GP5: variants seen among roughly 807,000 people sequenced by gnomAD.
GP5 encodes the protein glycoprotein V platelet.
For synonymous variants in GP5, 382 were observed against 353.9 expected (o/e 1.08, Z -0.89); for missense variants, 755 against 737.1 (o/e 1.02, Z -0.28).
rs1464385965 is a variant in GP5, at chr3:194,396,387, G to T, written c.*213C>A. ...GCTCAGTTTCCAGGAACGGGCGGGG[G>T]ACACAGAGAGGAGGGGTTGCGGGCC... On this transcript the variant is annotated 3_prime_UTR_variant, in exon 2 of 2. Coordinates refer to ENST00000692618, the MANE Select transcript of GP5 (RefSeq NM_004488.2). 2.0e-6 allele frequency: 1 copy of T among 501,304 alleles called. No individual in the cohort carries two copies. Among genetic ancestry groups the T allele is most frequent in the Non-Finnish European group, 3.5e-6 (1 of 283,342 alleles). The allele number at this position is 501,304 out of a possible 1,614,324, so 31.1% of individuals were successfully genotyped here.
chr3:194,397,644 C>A lies in GP5; in HGVS notation c.639G>T (p.Leu213=). Reference sequence around the variant, plus strand: ...CCGTCAGGGCGCCCAGGCTGTTCAACAGCCCCGAATCCAGAGACACAAGGC... The same window carrying A: ...CCGTCAGGGCGCCCAGGCTGTTCAAAAGCCCCGAATCCAGAGACACAAGGC... The part of the protein sequence containing the change: ...SNRLVSLDSG[L]LNSLGALTEL... Residue 213 remains leucine, a synonymous_variant, in exon 2 of 2, where the codon CTG becomes CTT. Transcript: ENST00000692618. The surrounding 1 kb of genome is among the most constrained non-coding windows in gnomAD (Gnocchi z 7.2). 6.2e-7 allele frequency: 1 copy of A among 1,614,154 alleles called. No homozygotes were observed. The highest frequency in any genetic ancestry group is 1.3e-5 in the African/African-American group (1 of 75,040).
Position 194,397,006 on chromosome 3 carries a change from T to C in GP5, c.1277A>G (p.Asp426Gly), listed in dbSNP as rs756984676. The C allele has an allele frequency of 3.1e-6, 5 of 1,595,862 alleles. No homozygotes were observed. In the Admixed American group the frequency reaches 5.0e-5, roughly 16 times the overall value. The change falls in exon 2 of 2, where the codon GAC (aspartate) becomes GGC (glycine). Residue 426 changes from aspartate to glycine, a missense_variant. By Grantham distance (94) the Asp-to-Gly change is moderately conservative. Coordinates refer to ENST00000692618, the MANE Select transcript of GP5 (RefSeq NM_004488.2). The surrounding 1 kb of genome is among the most constrained non-coding windows in gnomAD (Gnocchi z 7.2). ...CCCCAGGAAGGGCCCCAGGCCACAG[T>C]CGCAGCGCCAGGAGTTGTGCCCCAA... ...VLLGHNSWRCDCGLGPFLGWL... is the reference protein window; with the variant it reads ...VLLGHNSWRCGCGLGPFLGWL...
At chr3:194,398,748 T>A (rs1560057884) in intron 1 of GP5, among the ~76,000 whole-genome samples, 1 of 152,170 alleles carries the variant, frequency 6.6e-6, no homozygotes, top group Non-Finnish European at 1.5e-5. Flanking sequence ...AATCATGCTA[T>A]TTCCACAGTA....
chr3:194,397,273 C>A lies in GP5; in HGVS notation c.1010G>T (p.Gly337Val). 1 of 1,580,428 alleles carries A rather than the reference C, an allele frequency of 6.3e-7. No homozygotes were observed. Among genetic ancestry groups the A allele is most frequent in the Non-Finnish European group, 8.5e-7 (1 of 1,171,036 alleles). The change falls in exon 2 of 2, where the codon GGC becomes GTC. Residue 337 changes from glycine (G) to valine (V), a missense_variant. Coordinates refer to ENST00000692618, the MANE Select transcript of GP5 (RefSeq NM_004488.2). The surrounding 1 kb of genome is among the most constrained non-coding windows in gnomAD (Gnocchi z 7.2). Reference sequence around the variant, plus strand: ...GGCGAGCACCTGGAGCTCGCCAAGGCCCTGGAAGGCGCCCTGCGGAAGCGC... The same window carrying A: ...GGCGAGCACCTGGAGCTCGCCAAGGACCTGGAAGGCGCCCTGCGGAAGCGC... ...LSALPQGAFQGLGELQVLALH... is the reference protein window; with the variant it reads ...LSALPQGAFQVLGELQVLALH...
In GP5 at chr3:194,397,260, G is replaced by A. The variant is rs1169342416; in HGVS notation, c.1023C>T (p.Leu341=). 1.3e-6 allele frequency: 2 copies of A among 1,579,532 alleles called. No individual in the cohort carries two copies. The highest frequency in any genetic ancestry group is 3.5e-5 in the Admixed American group (2 of 57,052). The change falls in exon 2 of 2, where the codon CTC becomes CTT. Residue 341 remains leucine, a synonymous_variant. Coordinates refer to ENST00000692618, the MANE Select transcript of GP5 (RefSeq NM_004488.2). The surrounding 1 kb of genome is among the most constrained non-coding windows in gnomAD (Gnocchi z 7.2). ...PQGAFQGLGE[L]QVLALHSNGL... is the part of the protein sequence containing the mutation. ...CGTTGGAGTGCAGGGCGAGCACCTG[G>A]AGCTCGCCAAGGCCCTGGAAGGCGC...
At chr3:194,398,360 T>A in intron 1 of GP5, 76 bp from the exon 2 acceptor site, 1 of 1,355,832 alleles carries the variant, frequency 7.4e-7, no homozygotes, top group Non-Finnish European at 9.9e-7. Flanking sequence ...GATCCTGCAC[T>A]TTGTGCAGAG....
At chr3:194,399,030 C>T (rs1201319083) in intron 1 of GP5, among the ~76,000 whole-genome samples, 1 of 134,760 alleles carries the variant, frequency 7.4e-6, no homozygotes, top group Non-Finnish European at 1.6e-5. Flanking sequence ...CCATAAAGAG[C>T]TACTATTTCT....
At position 194,397,074 on chromosome 3, in the gene GP5, A is replaced by T; in HGVS notation, c.1209T>A (p.Pro403=). ...QLDHNQLETL[P]GDVFGALPRL... ...GGGGCAGAGCCCCAAACACGTCGCC[A>T]GGCAGGGTCTCCAGCTGGTTGTGGT... Residue 403 remains proline (P), a synonymous_variant, in exon 2 of 2, where the codon CCT becomes CCA. Transcript: ENST00000692618. This position sits in a 1 kb window ranked among gnomAD's most constrained non-coding sequence, Gnocchi z 7.2. 6.3e-7 allele frequency: 1 copy of T among 1,596,096 alleles called. No individual in the cohort carries two copies. Among genetic ancestry groups the T allele is most frequent in the Non-Finnish European group, 8.5e-7 (1 of 1,178,490 alleles).
intron 1 of GP5, among the ~76,000 whole-genome samples, 56 bp downstream of exon 1, chr3:194,399,182 A>G (rs1458167632): frequency 6.6e-6 from 1 of 152,202 alleles, no homozygotes; most frequent in Non-Finnish European, 1.5e-5. Context: ...TCATGCACAC[A>G]CAGACTAAAG....
At position 194,395,520 on chromosome 3, in the gene GP5, T is replaced by C. The variant is rs1714428901; in HGVS notation, c.*1080A>G. On this transcript the variant is annotated 3_prime_UTR_variant, in exon 2 of 2. Coordinates refer to ENST00000692618, the MANE Select transcript of GP5 (RefSeq NM_004488.2). ...AAGCAAGTGGAAACTCACAGGAGGC[T>C]CAGGAAACACGCTGGACCTACACTG... 1 of 152,188 alleles carries C rather than the reference T, an allele frequency of 6.6e-6. No individual in the cohort carries two copies. Among genetic ancestry groups the C allele is most frequent in the South Asian group, 2.1e-4 (1 of 4,818 alleles). 9.4% of individuals were successfully genotyped at this position (152,188 alleles called of 1,614,324 possible). A position where few individuals can be genotyped will look rare whatever the true frequency, so the allele number is the denominator to read the frequency against.
chr3:194,396,413 T>C lies in GP5; in HGVS notation c.*187A>G, dbSNP rs3047. ...ACACAGAGAGGAGGGGTTGCGGGCC[T>C]GTGAGAATGAAGAGCACAGAGCGGA... On this transcript the variant is annotated 3_prime_UTR_variant, in exon 2 of 2. Transcript: ENST00000692618. 31,221 of 538,676 alleles carry C rather than the reference T, an allele frequency of 0.058. 1,298 individuals are homozygous for C. The highest frequency in any genetic ancestry group is 0.13 in the South Asian group (4,315 of 32,000). 33.4% of individuals were successfully genotyped at this position (538,676 alleles called of 1,614,324 possible). A position where few individuals can be genotyped will look rare whatever the true frequency, so the allele number is the denominator to read the frequency against.
chr3:194,398,363 G>T (rs1333653322), intron 1 of GP5, 79 bp from the exon 2 acceptor site: 3 of 1,321,508 alleles, frequency 2.3e-6, no homozygotes, highest in Admixed American at 2.7e-5. Context: ...CCTGCACTTT[G>T]TGCAGAGGCA....
chr3:194,398,374 C>G, intron 1 of GP5, 90 bp from the exon 2 acceptor site: 1 of 1,261,520 alleles, frequency 7.9e-7, no homozygotes, highest in Non-Finnish European at 1.1e-6. Context: ...TGCAGAGGCA[C>G]AATCCTTTCG....
Position 194,396,712 on chromosome 3 carries a change from A to G in GP5, c.1571T>C (p.Phe524Ser), listed in dbSNP as rs1714467134. 3.1e-6 allele frequency: 5 copies of G among 1,614,202 alleles called. No homozygotes were observed. The highest frequency in any genetic ancestry group is 4.2e-6 in the Non-Finnish European group (5 of 1,180,004). ...CTGAACAGCTAAAAGCAGAAAATAAAACCCCCAGAACGGACTATGATCTTG... is the reference window on the plus strand; with the variant it reads ...CTGAACAGCTAAAAGCAGAAAATAAGACCCCCAGAACGGACTATGATCTTG... ...KGQDHSPFWG[F>S]YFLLLAVQAM... The change falls in exon 2 of 2, where the codon TTT becomes TCT. Residue 524 changes from phenylalanine to serine, a missense_variant. Coordinates refer to ENST00000692618, the MANE Select transcript of GP5 (RefSeq NM_004488.2).
In GP5 at chr3:194,396,859, G is replaced by A. The variant is rs765840057; in HGVS notation, c.1424C>T (p.Pro475Leu). The A allele has an allele frequency of 3.9e-6, 6 of 1,543,070 alleles. No homozygotes were observed. Among genetic ancestry groups the A allele is most frequent in the Non-Finnish European group, 5.2e-6 (6 of 1,151,472 alleles). Residue 475 changes from proline to leucine, a missense_variant, in exon 2 of 2, where the codon CCC becomes CTC. Transcript: ENST00000692618. ...AGCGGGGCGGGGAGGCGGGCCCCGG[G>A]GGCCCGGGCACTCCGCGTCACCCCC... is the stretch of plus-strand genomic sequence containing the variant. ...LPGGDAECPGPRGPPPRPAAD... is the reference protein window; with the variant it reads ...LPGGDAECPGLRGPPPRPAAD...
rs1307778228 is a variant in GP5 at position 194,397,794 on chromosome 3, G to A, written c.489C>T (p.Ala163=). Residue 163 remains alanine (A), a synonymous_variant, in exon 2 of 2, where the codon GCC becomes GCT. Coordinates refer to ENST00000692618, the MANE Select transcript of GP5 (RefSeq NM_004488.2). The surrounding 1 kb of genome is among the most constrained non-coding windows in gnomAD (Gnocchi z 7.2). ...LNQNQLDFLP[A]SLFTNLENLK... is the part of the protein sequence containing the mutation. ...GGTTCTCCAGATTCGTGAAGAGACT[G>A]GCAGGAAGGAAATCGAGCTGATTCT... 6.2e-7 allele frequency: 1 copy of A among 1,614,014 alleles called. No individual in the cohort carries two copies. Among genetic ancestry groups the A allele is most frequent in the South Asian group, 1.1e-5 (1 of 91,070 alleles).
rs1427891374 is a variant in GP5, at chr3:194,395,514, G to A, written c.*1086C>T. ...GATGTAAAGCAAGTGGAAACTCACAGGAGGCTCAGGAAACACGCTGGACCT... is the reference window on the plus strand; with the variant it reads ...GATGTAAAGCAAGTGGAAACTCACAAGAGGCTCAGGAAACACGCTGGACCT... On this transcript the variant is annotated 3_prime_UTR_variant, in exon 2 of 2. Coordinates refer to ENST00000692618, the MANE Select transcript of GP5 (RefSeq NM_004488.2). 1.3e-5 allele frequency: 2 copies of A among 152,100 alleles called. No homozygotes were observed. The highest frequency in any genetic ancestry group is 2.9e-5 in the Non-Finnish European group (2 of 68,026). 9.4% of individuals were successfully genotyped at this position (152,100 alleles called of 1,614,324 possible). A position where few individuals can be genotyped will look rare whatever the true frequency, so the allele number is the denominator to read the frequency against.
rs1447669363 is a variant in GP5 at position 194,396,942 on chromosome 3, C to A, written c.1341G>T (p.Glu447Asp). The A allele has an allele frequency of 1.3e-6, 2 of 1,538,670 alleles. No individual in the cohort carries two copies. Among genetic ancestry groups the A allele is most frequent in the Non-Finnish European group, 1.7e-6 (2 of 1,145,510 alleles). ...RQHLGLVGGE[E>D]PPRCAGPGAH... ...CCCCAGGGCCTGCGCACCGTGGGGG[C>A]TCTTCCCCGCCCACGAGGCCTAGGT... Residue 447 changes from glutamate (E) to aspartate (D), a missense_variant, in exon 2 of 2, where the codon GAG becomes GAT. By Grantham distance (45) the Glu-to-Asp change is conservative. Transcript: ENST00000692618.
Position 194,397,886 on chromosome 3 carries a change from C to G in GP5, c.397G>C (p.Ala133Pro). 1.2e-6 allele frequency: 2 copies of G among 1,614,114 alleles called. No individual in the cohort carries two copies. Among genetic ancestry groups the G allele is most frequent in the Non-Finnish European group, 1.7e-6 (2 of 1,179,980 alleles). The change falls in exon 2 of 2, where the codon GCG (alanine) becomes CCG (proline). Residue 133 changes from alanine to proline, a missense_variant. Coordinates refer to ENST00000692618, the MANE Select transcript of GP5 (RefSeq NM_004488.2). The surrounding 1 kb of genome is among the most constrained non-coding windows in gnomAD (Gnocchi z 7.2). The part of the protein sequence containing the change: ...LLEQLFLDHN[A>P]LRGIDQNMFQ... ...ATGTTTTGGTCAATGCCCCTTAGCG[C>G]ATTGTGGTCCAAAAACAACTGCTCC... is the stretch of plus-strand genomic sequence containing the variant.
Sources: allele counts gnomAD v4.1 joint callset (sites outside exome capture counted in the v4.1 genomes callset), GRCh38; gene constraint gnomAD v4.1.1; non-coding constraint Gnocchi (gnomAD v3.1); transcripts MANE v1.5; gene names NCBI Gene and HGNC (gene_info 2026-07-23, HGNC 2026-07-21).